Variants in PPP1R12A observed in about 807,000 individuals in gnomAD.
The protein encoded by PPP1R12A is protein phosphatase 1 regulatory subunit 12A, also known as myosin binding subunit.
A neutral mutation model predicts 139.6 loss-of-function variants in PPP1R12A; 19 were observed. That is an observed-to-expected ratio of 0.14 (90% confidence interval 0.09 to 0.20). The LOEUF (loss-of-function observed/expected upper bound fraction) is 0.20, where lower values mean the gene tolerates loss of function less well. Among genes scored for constraint, PPP1R12A ranks in the 10% least tolerant of loss-of-function variants. The probability of loss-of-function intolerance (pLI) is 1.00; values close to 1 mark genes in which losing one functional copy is unlikely to be tolerated. For missense variants in PPP1R12A, 925 were observed against 1,211.5 expected (o/e 0.76, Z 3.51); for synonymous variants, 427 against 420.6 (o/e 1.02, Z -0.19).
intron 16 of PPP1R12A, 118 bp from the exon 17 acceptor site, chr12:79,797,068 A>G (rs908987995): frequency 5.1e-6 from 7 of 1,366,880 alleles, no homozygotes; most frequent in African/African-American, 3.0e-5. Context: ...AAGTAATTCA[A>G]ATTTCCAGCT....
At chr12:79,826,063 T>C (rs1286846472) in intron 5 of PPP1R12A, among the ~76,000 whole-genome samples, 1 of 151,920 alleles carries the variant, frequency 6.6e-6, no homozygotes, top group East Asian at 1.9e-4. Flanking sequence ...GAAAAATATT[T>C]TGATTAAAAT....
intron 16 of PPP1R12A, 110 bp downstream of exon 16, chr12:79,797,085 C>T (rs1872583148): frequency 1.5e-6 from 2 of 1,352,128 alleles, no homozygotes; most frequent in Non-Finnish European, 2.0e-6. Context: ...AGCTAAAATC[C>T]TTTACAGTAT....
At chr12:79,905,937 T>C (rs1886070263) in intron 1 of PPP1R12A, among the ~76,000 whole-genome samples, 1 of 152,200 alleles carries the variant, frequency 6.6e-6, no homozygotes, top group South Asian at 2.1e-4. Context: ...TGCGAAACTT[T>C]GAAAACAATT....
chr12:79,862,590 C>T (rs986688676), intron 2 of PPP1R12A, among the ~76,000 whole-genome samples: 1 of 152,148 alleles, frequency 6.6e-6, no homozygotes, highest in African/African-American at 2.4e-5. Context: ...AGACAAATGA[C>T]TAGCTAGAAT....
At chr12:79,932,537 T>G (rs1592855769) in intron 1 of PPP1R12A, among the ~76,000 whole-genome samples, 1 of 152,128 alleles carries the variant, frequency 6.6e-6, no homozygotes, top group Non-Finnish European at 1.5e-5. Context: ...GATTATCGGG[T>G]CAAACCCACA....
At chr12:79,845,912 A>G (rs1397944604) in intron 2 of PPP1R12A, among the ~76,000 whole-genome samples, 2 of 152,262 alleles carry the variant, frequency 1.3e-5, no homozygotes, top group Non-Finnish European at 2.9e-5. Context: ...ATTTTTAATA[A>G]TAATTAGAAA....
intron 2 of PPP1R12A, among the ~76,000 whole-genome samples, chr12:79,848,602 G>A (rs931056447): frequency 2.6e-5 from 4 of 152,046 alleles, no homozygotes; most frequent in East Asian, 1.9e-4. Flanking sequence ...AGGAAGCAGC[G>A]CCCAAAGCAA....
intron 14 of PPP1R12A, among the ~76,000 whole-genome samples, chr12:79,800,390 TCTTC>T (rs34343055): frequency 0.097 from 14,793 of 152,136 alleles, 1,866 homozygotes; most frequent in African/African-American, 0.3. Flanking sequence ...AATACAATTT[TCTTC>T]CTTATGATTA....
At position 79,875,188 on chromosome 12, in the gene PPP1R12A, G is replaced by A. The variant is rs190812218; in HGVS notation, c.238-2250C>T. ...ACTTTATACCTGTCCTATGAGATAG[G>A]TTGTATTCATAAACACACTCCATTT... On this transcript the variant is annotated intron_variant, in intron 1 of 24. Transcript: ENST00000450142. Among the ~76,000 whole-genome samples, 64 of 152,214 alleles carry A rather than the reference G, an allele frequency of 4.2e-4. No individual in the cohort carries two copies. The South Asian group carries it at 5.6e-3, about 13-fold the overall frequency.
In PPP1R12A at chr12:79,797,182, G is replaced by C. The variant is rs770880001; in HGVS notation, c.2292+13C>G. On this transcript the variant is annotated intron_variant, in intron 16 of 24. Transcript: ENST00000450142. ...TACCATTTGACTTAAATGTGCTTTT[G>C]ATATACTGTTACCTCATCATACGTT... 37 of 1,562,018 alleles carry C rather than the reference G, an allele frequency of 2.4e-5. No individual in the cohort carries two copies. Among genetic ancestry groups the C allele is most frequent in the Non-Finnish European group, 2.9e-5 (33 of 1,153,374 alleles).
intron 1 of PPP1R12A, among the ~76,000 whole-genome samples, chr12:79,911,404 T>C (rs1464647563): frequency 6.6e-6 from 1 of 152,090 alleles, no homozygotes; most frequent in African/African-American, 2.4e-5. Context: ...CAAAAACACA[T>C]GGATACAAAT....
At chr12:79,889,095 T>G (rs1463731397) in intron 1 of PPP1R12A, among the ~76,000 whole-genome samples, 1 of 152,222 alleles carries the variant, frequency 6.6e-6, no homozygotes, top group Non-Finnish European at 1.5e-5. Context: ...ATGAAACAAA[T>G]TCCTGGATAT....
At chr12:79,903,219 G>A (rs1169460620) in intron 1 of PPP1R12A, among the ~76,000 whole-genome samples, 3 of 152,062 alleles carry the variant, frequency 2.0e-5, no homozygotes, top group South Asian at 2.1e-4. Flanking sequence ...TTGGGAGGCC[G>A]AGGCGGGTGG....
At chr12:79,856,983 A>T (rs1260682999) in intron 2 of PPP1R12A, among the ~76,000 whole-genome samples, 2 of 152,220 alleles carry the variant, frequency 1.3e-5, no homozygotes, top group Non-Finnish European at 2.9e-5. Context: ...TTTATCATAT[A>T]TTATTTCTCA....
At chr12:79,855,422 T>C (rs1880532094) in intron 2 of PPP1R12A, among the ~76,000 whole-genome samples, 2 of 152,148 alleles carry the variant, frequency 1.3e-5, no homozygotes, top group Admixed American at 6.6e-5. Flanking sequence ...TTACTGTGAA[T>C]AGTGCTGCGA....
At chr12:79,786,896 T>C (rs947233789) in intron 21 of PPP1R12A, 4 of 153,076 alleles carry the variant, frequency 2.6e-5, no homozygotes, top group Non-Finnish European at 5.8e-5. Context: ...ACCAGCTGTA[T>C]TTATCATTAT....
At chr12:79,898,386 G>A (rs771757186) in intron 1 of PPP1R12A, among the ~76,000 whole-genome samples, 48 of 152,190 alleles carry the variant, frequency 3.2e-4, no homozygotes, top group Middle Eastern at 3.2e-3. Context: ...AACCCGGGAC[G>A]TGGAGGTTGC....
At chr12:79,855,015 C>G (rs1402439440) in intron 2 of PPP1R12A, among the ~76,000 whole-genome samples, 2 of 151,986 alleles carry the variant, frequency 1.3e-5, no homozygotes, top group Admixed American at 6.6e-5. Context: ...TTGAGATGGA[C>G]CCTTGCTCTG....
At chr12:79,818,056 C>T (rs1252413543) in intron 8 of PPP1R12A, among the ~76,000 whole-genome samples, 1 of 152,154 alleles carries the variant, frequency 6.6e-6, no homozygotes, top group African/African-American at 2.4e-5. Context: ...GGCACAATAT[C>T]ATCTTCTTGG....
Sources: gnomAD v4.1 joint callset for allele counts (sites outside exome capture counted in the v4.1 genomes callset) on GRCh38, gnomAD v4.1.1 for gene constraint, MANE v1.5 for transcripts, NCBI Gene and HGNC (gene_info 2026-07-23, HGNC 2026-07-21) for gene names.